GALNTL6: variants seen among roughly 807,000 people sequenced by gnomAD.
GALNTL6 encodes polypeptide N-acetylgalactosaminyltransferase-like 6.
GALNTL6 carries 46 observed loss-of-function variants against 73.7 expected under a neutral mutation model. The ratio of observed to expected loss-of-function variants is 0.62; its 90% CI spans 0.49 to 0.80. The LOEUF (loss-of-function observed/expected upper bound fraction) is 0.80. GALNTL6 is among the 30% of genes least tolerant of loss of function. The pLI, the probability that GALNTL6 is intolerant of heterozygous loss-of-function variation, is 0.00. For synonymous variants in GALNTL6, 259 were observed against 263.7 expected, an observed-to-expected ratio of 0.98 and a Z score of 0.17; for missense variants, 604 against 755.0, an observed-to-expected ratio of 0.80 and a Z score of 2.34.
At chr4:172,539,803 C>T (rs1735480729) in intron 5 of GALNTL6, among the ~76,000 whole-genome samples, 1 of 148,072 alleles carries the variant, frequency 6.8e-6, no homozygotes, top group Non-Finnish European at 1.5e-5. Flanking sequence ...ATCATGCTAA[C>T]AATATTCCAG....
At chr4:172,672,516 G>C (rs769574564) in intron 5 of GALNTL6, among the ~76,000 whole-genome samples, 2 of 152,222 alleles carry the variant, frequency 1.3e-5, no homozygotes, top group Non-Finnish European at 2.9e-5. Context: ...CTATCAGCAT[G>C]ATGCTGGCCT....
chr4:172,354,298 A>T (rs1742073111), intron 5 of GALNTL6, among the ~76,000 whole-genome samples: 1 of 152,160 alleles, frequency 6.6e-6, no homozygotes, highest in South Asian at 2.1e-4. Flanking sequence ...TAAAAAAATC[A>T]AACTACAATA....
intron 3 of GALNTL6, among the ~76,000 whole-genome samples, chr4:172,259,248 C>T (rs1004433302): frequency 2.0e-5 from 3 of 151,324 alleles, no homozygotes; most frequent in Admixed American, 1.3e-4. Context: ...TCTCTTTTCA[C>T]CACATCCATG....
intron 2 of GALNTL6, among the ~76,000 whole-genome samples, chr4:172,092,218 C>A (rs966435268): frequency 2.6e-5 from 4 of 152,044 alleles, no homozygotes; most frequent in African/African-American, 9.7e-5. Context: ...AATTAAAAAT[C>A]AAATTTGGTT....
chr4:171,852,992 G>A (rs998112815), intron 2 of GALNTL6, among the ~76,000 whole-genome samples: 6 of 147,308 alleles, frequency 4.1e-5, no homozygotes, highest in Non-Finnish European at 7.4e-5. Context: ...GACTACAGGC[G>A]CCGCCACCAC....
chr4:171,944,782 G>T (rs1015019804), intron 2 of GALNTL6, among the ~76,000 whole-genome samples: 5 of 151,452 alleles, frequency 3.3e-5, no homozygotes, highest in Admixed American at 3.3e-4. Flanking sequence ...ACACTCAAAA[G>T]AAATTTATTG....
chr4:172,588,982 T>G (rs1402525229), intron 5 of GALNTL6, among the ~76,000 whole-genome samples: 1 of 152,220 alleles, frequency 6.6e-6, no homozygotes, highest in East Asian at 1.9e-4. Context: ...ATAAAATATT[T>G]TATGTGCTCA....
intron 8 of GALNTL6, among the ~76,000 whole-genome samples, chr4:172,904,294 G>A (rs1561024785): frequency 6.6e-6 from 1 of 152,174 alleles, no homozygotes; most frequent in Non-Finnish European, 1.5e-5. Context: ...GTTTACAGAA[G>A]AAATAGAGAG....
chr4:172,528,991 GTA>G (rs201902330), intron 5 of GALNTL6, among the ~76,000 whole-genome samples: 4,401 of 96,398 alleles, frequency 0.046, 348 homozygotes, highest in African/African-American at 0.15. Flanking sequence ...ACATATGTGT[GTA>G]TATATATATA....
At chr4:172,975,333 C>T (rs868233255) in intron 10 of GALNTL6, among the ~76,000 whole-genome samples, 7 of 152,128 alleles carry the variant, frequency 4.6e-5, no homozygotes, top group Admixed American at 2.0e-4. Context: ...GCAGGCAGGT[C>T]GTCCCATCAA....
At chr4:172,732,666 T>C (rs1026970976) in intron 5 of GALNTL6, among the ~76,000 whole-genome samples, 1 of 152,236 alleles carries the variant, frequency 6.6e-6, no homozygotes, top group East Asian at 1.9e-4. Context: ...TGTTTTAATT[T>C]ATTGCTTTTT....
chr4:172,207,717 C>T (rs986284176), intron 2 of GALNTL6, among the ~76,000 whole-genome samples: 5 of 152,114 alleles, frequency 3.3e-5, no homozygotes. Context: ...CTTGAATTCT[C>T]TGTCCCTCAA....
intron 5 of GALNTL6, among the ~76,000 whole-genome samples, chr4:172,694,029 C>A (rs915021589): frequency 6.6e-6 from 1 of 152,016 alleles, no homozygotes; most frequent in African/African-American, 2.4e-5. Context: ...GAACAAAAAC[C>A]TTTTCAATGA....
At chr4:172,449,443 C>A (rs1453087919) in intron 5 of GALNTL6, among the ~76,000 whole-genome samples, 2 of 152,176 alleles carry the variant, frequency 1.3e-5, no homozygotes, top group Non-Finnish European at 2.9e-5. Flanking sequence ...TCTCACCACC[C>A]CACTGAAATA....
chr4:172,871,066 T>C (rs182206515), intron 7 of GALNTL6, among the ~76,000 whole-genome samples: 2 of 151,958 alleles, frequency 1.3e-5, no homozygotes, highest in Admixed American at 1.3e-4. Context: ...CAGAAAAAAA[T>C]TTTTTTAAGT....
At chr4:172,982,374 C>T (rs771337224) in intron 10 of GALNTL6, among the ~76,000 whole-genome samples, 3 of 152,134 alleles carry the variant, frequency 2.0e-5, no homozygotes, top group East Asian at 1.9e-4. Flanking sequence ...GTGCCCTTAA[C>T]GTGATTTTTG....
chr4:172,049,773 C>A (rs1730781360), intron 2 of GALNTL6, among the ~76,000 whole-genome samples: 2 of 152,210 alleles, frequency 1.3e-5, no homozygotes, highest in South Asian at 4.1e-4. Context: ...CACCTGAGGT[C>A]AGGAGTTTGA....
At chr4:172,001,947 C>A (rs181578292) in intron 2 of GALNTL6, among the ~76,000 whole-genome samples, 11 of 152,120 alleles carry the variant, frequency 7.2e-5, no homozygotes, top group African/African-American at 2.4e-4. Flanking sequence ...TAAACACTGG[C>A]CCACTGTGTC....
intron 2 of GALNTL6, among the ~76,000 whole-genome samples, chr4:171,925,653 G>A (rs1737952260): frequency 6.6e-6 from 1 of 152,062 alleles, no homozygotes; most frequent in South Asian, 2.1e-4. Context: ...ATTGTTTTCT[G>A]GGATTATGAT....
Sources: gnomAD v4.1 joint callset for allele counts (sites outside exome capture counted in the v4.1 genomes callset) on GRCh38, gnomAD v4.1.1 for gene constraint, MANE v1.5 for transcripts, NCBI Gene and HGNC (gene_info 2026-07-23, HGNC 2026-07-21) for gene names.